PLEKHM1: variants seen among roughly 807,000 people sequenced by gnomAD.
The protein encoded by PLEKHM1 is pleckstrin homology and RUN domain containing M1, also known as pleckstrin homology domain-containing family M member 1.
PLEKHM1 carries 28 observed loss-of-function variants against 94.3 expected under a neutral mutation model. The ratio of observed to expected loss-of-function variants is 0.30; its 90% CI spans 0.22 to 0.41. PLEKHM1 has a LOEUF of 0.41. PLEKHM1 is among the 10% of genes least tolerant of loss of function. The pLI, the probability that PLEKHM1 is intolerant of heterozygous loss-of-function variation, is 1.00. For missense variants in PLEKHM1, 907 were observed against 1,358.6 expected, an observed-to-expected ratio of 0.67 and a Z score of 5.22; for synonymous variants, 424 against 581.2, an observed-to-expected ratio of 0.73 and a Z score of 3.89.
At chr17:45,451,113 G>A (rs1418907490) in intron 7 of PLEKHM1, among the ~76,000 whole-genome samples, 4 of 151,504 alleles carry the variant, frequency 2.6e-5, no homozygotes, top group Non-Finnish European at 4.4e-5. Context: ...GCCTGTGTCC[G>A]GTGTCCCCAC....
At chr17:45,452,168 G>A (rs2050792692) in intron 7 of PLEKHM1, among the ~76,000 whole-genome samples, 1 of 152,088 alleles carries the variant, frequency 6.6e-6, no homozygotes, top group Non-Finnish European at 1.5e-5. Flanking sequence ...GGGGGAGTGG[G>A]AGGGGCTAAC....
chr17:45,468,988 C>G (rs1282723813), intron 4 of PLEKHM1, among the ~76,000 whole-genome samples: 15 of 150,064 alleles, frequency 1.0e-4, no homozygotes, highest in East Asian at 1.9e-4. Context: ...GCAGAGCCTC[C>G]TCCTCCACAG....
chr17:45,456,833 A>T (rs1436736057), intron 6 of PLEKHM1, among the ~76,000 whole-genome samples: 1 of 152,264 alleles, frequency 6.6e-6, no homozygotes, highest in Admixed American at 6.5e-5. Context: ...GGTTATGGTT[A>T]TTTAAGGCTT....
chr17:45,458,238 T>G lies in PLEKHM1; in HGVS notation c.1510A>C (p.Arg504=). The change falls in exon 6 of 12, where the codon AGA becomes CGA. Residue 504 remains arginine, a synonymous_variant. Coordinates refer to ENST00000430334, the MANE Select transcript of PLEKHM1 (RefSeq NM_014798.3). ...LDQACVPSPG[R]RQAQAAPSQG... Reference sequence around the variant, plus strand: ...GATGGGGCTGCCTGGGCTTGCCTTCTTCCTGGGGAAGGTACACACGCTTGG... The same window carrying G: ...GATGGGGCTGCCTGGGCTTGCCTTCGTCCTGGGGAAGGTACACACGCTTGG... 6.2e-7 allele frequency: 1 copy of G among 1,612,944 alleles called. No individual in the cohort carries two copies. The highest frequency in any genetic ancestry group is 8.5e-7 in the Non-Finnish European group (1 of 1,179,428).
chr17:45,479,021 T>C (rs1230459461), intron 2 of PLEKHM1, among the ~76,000 whole-genome samples: 4 of 8,442 alleles, frequency 4.7e-4, no homozygotes, highest in South Asian at 0.032. Context: ...ACTACCTTTT[T>C]TTTTCTTTTT....
At chr17:45,443,587 G>A (rs1382628762) in intron 9 of PLEKHM1, among the ~76,000 whole-genome samples, 2 of 152,190 alleles carry the variant, frequency 1.3e-5, no homozygotes, top group Non-Finnish European at 2.9e-5. Flanking sequence ...AGACAGGTCT[G>A]TAAAGCCGAT....
At chr17:45,480,087 GAT>G (rs2051899207) in intron 2 of PLEKHM1, among the ~76,000 whole-genome samples, 1 of 152,072 alleles carries the variant, frequency 6.6e-6, no homozygotes, top group Admixed American at 6.5e-5. Flanking sequence ...GTTTTAATGA[GAT>G]ATAATTCATA....
chr17:45,463,582 G>A (rs1315290248), intron 5 of PLEKHM1, among the ~76,000 whole-genome samples: 3 of 152,088 alleles, frequency 2.0e-5, no homozygotes, highest in East Asian at 1.9e-4. Context: ...TAGTACAGAC[G>A]GGGTTTCACC....
chr17:45,468,228 A>G lies in PLEKHM1; in HGVS notation c.1289T>C (p.Val430Ala), dbSNP rs750877414. Reference sequence around the variant, plus strand: ...ACTCACCGGACTGGTGGGTGAGGAAACTACCAGCTTCAGACCAGCTCCGTC... The same window carrying G: ...ACTCACCGGACTGGTGGGTGAGGAAGCTACCAGCTTCAGACCAGCTCCGTC... ...AHDGAGLKLV[V>A]SSPTSPKNKS... Residue 430 changes from valine (V) to alanine (A), a missense_variant, in exon 5 of 12, where the codon GTT becomes GCT. Transcript: ENST00000430334. The G allele has an allele frequency of 9.3e-6, 15 of 1,613,044 alleles. No homozygotes were observed. The African/African-American group carries it at 2.0e-4, about 22-fold the overall frequency.
intron 2 of PLEKHM1, among the ~76,000 whole-genome samples, chr17:45,480,894 G>A (rs538192871): frequency 5.1e-4 from 77 of 152,280 alleles, no homozygotes; most frequent in African/African-American, 1.8e-3. Flanking sequence ...CCATGTACAA[G>A]TTTTTGAGTG....
At chr17:45,467,113 A>G (rs2051343872) in intron 5 of PLEKHM1, among the ~76,000 whole-genome samples, 1 of 152,136 alleles carries the variant, frequency 6.6e-6, no homozygotes, top group Non-Finnish European at 1.5e-5. Context: ...ATGCCCAGCT[A>G]ATTTTTGTAT....
chr17:45,470,772 C>T (rs1359455179), intron 4 of PLEKHM1, among the ~76,000 whole-genome samples: 2 of 151,144 alleles, frequency 1.3e-5, no homozygotes, highest in Non-Finnish European at 3.0e-5. Flanking sequence ...CATTCTCCTG[C>T]CTCAGACTCC....
chr17:45,463,601 C>T (rs1183632793), intron 5 of PLEKHM1, among the ~76,000 whole-genome samples: 1 of 152,228 alleles, frequency 6.6e-6, no homozygotes, highest in Non-Finnish European at 1.5e-5. Context: ...CCATATTGGT[C>T]AGGCTGGTCT....
intron 1 of PLEKHM1, among the ~76,000 whole-genome samples, chr17:45,485,251 C>A (rs2145360476): frequency 6.6e-6 from 1 of 152,262 alleles, no homozygotes; most frequent in Non-Finnish European, 1.5e-5. Context: ...CAGAAACAGG[C>A]CTGGTCTTGA....
chr17:45,475,264 G>A lies in PLEKHM1; in HGVS notation c.759C>T (p.Ser253=). The change falls in exon 4 of 12, where the codon AGC becomes AGT. Residue 253 remains serine (S), a synonymous_variant. Transcript: ENST00000430334. Reference sequence around the variant, plus strand: ...GCTGGGATGAACTGGCCGTGTCCAGGCTGAGGGAGGAGGCAGTCAGCTTCT... The same window carrying A: ...GCTGGGATGAACTGGCCGTGTCCAGACTGAGGGAGGAGGCAGTCAGCTTCT... ...RNQKLTASSL[S]LDTASSSQLS... 2.5e-6 allele frequency: 4 copies of A among 1,613,990 alleles called. No homozygotes were observed. The highest frequency in any genetic ancestry group is 2.2e-5 in the South Asian group (2 of 91,074).
At chr17:45,458,493 C>T (rs1273457372) in intron 5 of PLEKHM1, 54 bp from the exon 6 acceptor site, 42 of 1,530,700 alleles carry the variant, frequency 2.7e-5, no homozygotes, top group Middle Eastern at 1.7e-4. Context: ...TGTTTTGAGA[C>T]GGAGTCTCGC....
intron 10 of PLEKHM1, chr17:45,439,949 G>C: frequency 1.6e-6 from 1 of 638,030 alleles, no homozygotes; most frequent in Non-Finnish European, 2.8e-6. Context: ...TCCTGGGGTT[G>C]CTGGAGTGCT....
intron 4 of PLEKHM1, among the ~76,000 whole-genome samples, chr17:45,470,837 GT>G (rs1206218603): frequency 1.6e-4 from 16 of 99,014 alleles, no homozygotes; most frequent in African/African-American, 1.9e-4. Context: ...TTTTTGTATT[GT>G]TTTTTTTTTA....
At position 45,475,174 on chromosome 17, in the gene PLEKHM1, A is replaced by G. The variant is rs754879955; in HGVS notation, c.849T>C (p.His283=). 2 of 1,613,966 alleles carry G rather than the reference A, an allele frequency of 1.2e-6. No individual in the cohort carries two copies. The highest frequency in any genetic ancestry group is 1.7e-6 in the Non-Finnish European group (2 of 1,179,852). ...LQENGSKSPD[H]CEEPMSCDSD... ...AGTCACAGGACATGGGCTCCTCGCA[A>G]TGGTCTGGACTCTTGGAGCCATTCT... The change falls in exon 4 of 12, where the codon CAT becomes CAC. Residue 283 remains histidine, a synonymous_variant. Transcript: ENST00000430334.
Sources: gnomAD v4.1 joint callset for allele counts (sites outside exome capture counted in the v4.1 genomes callset) on GRCh38, gnomAD v4.1.1 for gene constraint, MANE v1.5 for transcripts, NCBI Gene and HGNC (gene_info 2026-07-23, HGNC 2026-07-21) for gene names.